SYNJ2: variants seen among roughly 807,000 people sequenced by gnomAD.
SYNJ2 encodes synaptojanin 2.
In SYNJ2, 116 loss-of-function variants were observed where a neutral mutation model predicts 141.3. The ratio of observed to expected loss-of-function variants is 0.82; its 90% CI spans 0.71 to 0.96. The LOEUF (loss-of-function observed/expected upper bound fraction) is 0.96, where lower values mean the gene tolerates loss of function less well. SYNJ2 is among the 40% of genes least tolerant of loss of function. The pLI, the probability that SYNJ2 is intolerant of heterozygous loss-of-function variation, is 0.00. For missense variants in SYNJ2, 1,873 were observed against 1,934.8 expected (o/e 0.97, Z 0.60); for synonymous variants, 745 against 777.7 (o/e 0.96, Z 0.70).
Position 158,095,832 on chromosome 6 carries a change from C to T in SYNJ2, c.3959C>T (p.Pro1320Leu). ...EAPPGAGASV[P>L]PPLEAPPLVP... ...CCTCCTGGGGCAGGAGCCTCTGTGC[C>T]ACCACCTCTGGAGGCGCCGCCTCTT... The change falls in exon 27 of 27, where the codon CCA becomes CTA. Residue 1320 changes from proline (P) to leucine (L), a missense_variant. Transcript: ENST00000355585. 6.2e-7 allele frequency: 1 copy of T among 1,614,138 alleles called. No individual in the cohort carries two copies. The highest frequency in any genetic ancestry group is 2.2e-5 in the East Asian group (1 of 44,878).
At chr6:158,093,951 G>T (rs1238010481) in intron 26 of SYNJ2, 2 of 765,280 alleles carry the variant, frequency 2.6e-6, no homozygotes, top group Non-Finnish European at 4.8e-6. Flanking sequence ...ACATGAGTTT[G>T]TAAGGACAGT....
At chr6:158,009,775 T>C (rs1778198046) in intron 1 of SYNJ2, among the ~76,000 whole-genome samples, 1 of 152,084 alleles carries the variant, frequency 6.6e-6, no homozygotes, top group East Asian at 1.9e-4. Flanking sequence ...TAAATGGAGA[T>C]GGTTGCCAGC....
At chr6:158,058,830 G>A (rs1781029316) in intron 6 of SYNJ2, among the ~76,000 whole-genome samples, 1 of 152,188 alleles carries the variant, frequency 6.6e-6, no homozygotes, top group South Asian at 2.1e-4. Flanking sequence ...TTACTTGAGA[G>A]GCTGAGTTGG....
chr6:157,990,584 G>C (rs1777384335), intron 1 of SYNJ2, among the ~76,000 whole-genome samples: 1 of 152,152 alleles, frequency 6.6e-6, no homozygotes, highest in African/African-American at 2.4e-5. Flanking sequence ...GTTGCGGGAG[G>C]GGGCAGGTTG....
intron 11 of SYNJ2, among the ~76,000 whole-genome samples, chr6:158,065,231 A>G (rs555427576): frequency 1.9e-4 from 29 of 152,226 alleles, no homozygotes; most frequent in African/African-American, 5.3e-4. Context: ...GAAGCGAGAG[A>G]CACCAGGCGG....
chr6:157,998,899 C>T (rs1716470443), intron 1 of SYNJ2, among the ~76,000 whole-genome samples: 1 of 152,232 alleles, frequency 6.6e-6, no homozygotes, highest in Admixed American at 6.5e-5. Context: ...TCCCAGGCCC[C>T]TGCCTCCCAT....
At chr6:158,087,714 A>G (rs1408153916) in intron 23 of SYNJ2, among the ~76,000 whole-genome samples, 1 of 152,222 alleles carries the variant, frequency 6.6e-6, no homozygotes, top group Non-Finnish European at 1.5e-5. Context: ...AGATATAAAA[A>G]TAACCCAAAA....
chr6:158,078,384 A>G (rs886966272), intron 18 of SYNJ2, 103 bp downstream of exon 18: 8 of 723,650 alleles, frequency 1.1e-5, no homozygotes, highest in South Asian at 1.7e-5. Context: ...GTGTGTGCGC[A>G]TGGGGGTGCA....
intron 4 of SYNJ2, among the ~76,000 whole-genome samples, chr6:158,038,562 C>A (rs1039660930): frequency 1.3e-5 from 2 of 152,226 alleles, no homozygotes; most frequent in African/African-American, 4.8e-5. Context: ...CCATCGGAGA[C>A]CCCGGACAGC....
At chr6:158,082,469 A>G (rs1782756813) in intron 20 of SYNJ2, among the ~76,000 whole-genome samples, 1 of 143,582 alleles carries the variant, frequency 7.0e-6, no homozygotes, top group Admixed American at 7.1e-5. Flanking sequence ...CCCAGGCAAC[A>G]GTGTGAGACT....
intron 6 of SYNJ2, among the ~76,000 whole-genome samples, chr6:158,057,399 C>T (rs930159007): frequency 6.6e-5 from 10 of 152,064 alleles, no homozygotes; most frequent in East Asian, 3.9e-4. Flanking sequence ...TCACCAATAA[C>T]GAGCATTTTA....
intron 6 of SYNJ2, among the ~76,000 whole-genome samples, chr6:158,056,276 G>T (rs995244007): frequency 1.3e-5 from 2 of 152,194 alleles, no homozygotes; most frequent in African/African-American, 4.8e-5. Context: ...TGTGTGAGAT[G>T]CACGTACCAC....
At chr6:158,072,287 C>T (rs1781983711) in intron 15 of SYNJ2, among the ~76,000 whole-genome samples, 1 of 152,220 alleles carries the variant, frequency 6.6e-6, no homozygotes, top group South Asian at 2.1e-4. Flanking sequence ...ACCAAGGAGC[C>T]CAGATCCTGC....
At chr6:158,005,757 T>A (rs1778045801) in intron 1 of SYNJ2, among the ~76,000 whole-genome samples, 1 of 152,082 alleles carries the variant, frequency 6.6e-6, no homozygotes, top group African/African-American at 2.4e-5. Context: ...TCAGCTCTGC[T>A]GTGCCTCCTC....
intron 1 of SYNJ2, among the ~76,000 whole-genome samples, chr6:158,003,471 C>T (rs1040660132): frequency 2.6e-5 from 4 of 152,102 alleles, no homozygotes; most frequent in East Asian, 1.9e-4. Context: ...AACTGAGCTC[C>T]GAATTAACAC....
intron 4 of SYNJ2, among the ~76,000 whole-genome samples, chr6:158,034,618 A>C (rs149155772): frequency 6.6e-6 from 1 of 152,362 alleles, no homozygotes; most frequent in Non-Finnish European, 1.5e-5. Context: ...AGGGGGCCCT[A>C]AGATGGGCAA....
chr6:158,066,076 T>C (rs1781543686), intron 11 of SYNJ2, among the ~76,000 whole-genome samples: 1 of 152,222 alleles, frequency 6.6e-6, no homozygotes, highest in Non-Finnish European at 1.5e-5. Flanking sequence ...AGTTACAGCA[T>C]GCCCTTGCTT....
intron 2 of SYNJ2, chr6:158,017,853 A>G: frequency 2.0e-6 from 1 of 490,216 alleles, no homozygotes; most frequent in South Asian, 1.5e-5. Flanking sequence ...GGTTCCCGGC[A>G]CCCCCACCCT....
chr6:158,094,238 T>A, intron 26 of SYNJ2: 1 of 449,788 alleles, frequency 2.2e-6, no homozygotes, highest in South Asian at 3.7e-5. Context: ...CCTGTTCAGA[T>A]GCTCCTCGAC....
Sources: gnomAD v4.1 joint callset for allele counts (sites outside exome capture counted in the v4.1 genomes callset) on GRCh38, gnomAD v4.1.1 for gene constraint, MANE v1.5 for transcripts, NCBI Gene and HGNC (gene_info 2026-07-23, HGNC 2026-07-21) for gene names.